The following LRFN5 variants were observed in gnomAD, a reference collection of about 807,000 sequenced individuals.
LRFN5 encodes leucine rich repeat and fibronectin type III domain containing 5.
In LRFN5, 24 loss-of-function variants were observed where a neutral mutation model predicts 45.6. The ratio of observed to expected loss-of-function variants is 0.53; its 90% CI spans 0.38 to 0.74. The LOEUF (loss-of-function observed/expected upper bound fraction) is 0.74. Among genes scored for constraint, LRFN5 ranks in the 30% least tolerant of loss-of-function variants. LRFN5 has a pLI of 0.00. For missense variants in LRFN5, 776 were observed against 861.5 expected, an observed-to-expected ratio of 0.90 and a Z score of 1.24; for synonymous variants, 340 against 313.8, an observed-to-expected ratio of 1.08 and a Z score of -0.88.
chr14:41,799,734 G>A (rs978918546), intron 2 of LRFN5, among the ~76,000 whole-genome samples: 13 of 151,930 alleles, frequency 8.6e-5, no homozygotes, highest in Admixed American at 7.2e-4. Flanking sequence ...GGAGATAAAC[G>A]CATTTGGTGG....
At chr14:41,731,790 CATG>C (rs1356671235) in intron 1 of LRFN5, 2 of 152,116 alleles carry the variant, frequency 1.3e-5, no homozygotes, top group Non-Finnish European at 2.9e-5. Context: ...GCTAAATTTA[CATG>C]ATAAGGAGTT....
At chr14:41,812,339 T>A (rs17112290) in intron 2 of LRFN5, among the ~76,000 whole-genome samples, 8 of 151,926 alleles carry the variant, frequency 5.3e-5, no homozygotes, top group Non-Finnish European at 1.2e-4. Flanking sequence ...GAGTTTTTTT[T>A]AAAGACTAGC....
intron 2 of LRFN5, among the ~76,000 whole-genome samples, chr14:41,797,949 T>C (rs1887190018): frequency 6.6e-6 from 1 of 151,930 alleles, no homozygotes; most frequent in Admixed American, 6.6e-5. Flanking sequence ...CTCTCTTACT[T>C]TATTATGTAG....
chr14:41,637,365 T>G (rs566710833), intron 1 of LRFN5, among the ~76,000 whole-genome samples: 21 of 152,256 alleles, frequency 1.4e-4, no homozygotes, highest in African/African-American at 4.8e-4. Context: ...TTAAGCAAAT[T>G]AAAACTATTA....
In LRFN5 at chr14:41,653,256, G is replaced by T. The variant is rs118114152; in HGVS notation, c.-197+44694G>T. ...CTTTGCCTGTGTTATTTTCCTAAGT[G>T]GTATTGCCTAGGTCATCTTCCAGAG... On this transcript the variant is annotated intron_variant, in intron 1 of 5. Coordinates refer to ENST00000298119, the MANE Select transcript of LRFN5 (RefSeq NM_152447.5). Among the ~76,000 whole-genome samples, 1,382 of 152,162 alleles carry T rather than the reference G, an allele frequency of 9.1e-3. 6 individuals carry two copies. The highest frequency in any genetic ancestry group is 0.014 in the East Asian group (74 of 5,168).
chr14:41,748,902 A>T (rs1022070905), intron 1 of LRFN5, among the ~76,000 whole-genome samples: 1 of 150,800 alleles, frequency 6.6e-6, no homozygotes, highest in South Asian at 2.1e-4. Context: ...AGGATATTTT[A>T]TATATATATA....
At chr14:41,747,915 C>T (rs534349989) in intron 1 of LRFN5, among the ~76,000 whole-genome samples, 1 of 152,122 alleles carries the variant, frequency 6.6e-6, no homozygotes, top group East Asian at 1.9e-4. Flanking sequence ...TGCCTAGCAT[C>T]AACAGTTTTA....
rs193239393 is a variant in LRFN5, at chr14:41,853,166, C to T, written c.-20-33440C>T. Reference sequence around the variant, plus strand: ...TGAAGATGGATCCATTAAATATTTTCGAAATTTAGAATCCACCTGAATTTT... The same window carrying T: ...TGAAGATGGATCCATTAAATATTTTTGAAATTTAGAATCCACCTGAATTTT... On this transcript the variant is annotated intron_variant, in intron 2 of 5. Transcript: ENST00000298119. Among the ~76,000 whole-genome samples the T allele has an allele frequency of 1.8e-4, 27 of 151,988 alleles. 1 individual carries two copies. Among genetic ancestry groups the T allele is most frequent in the East Asian group, 9.7e-4 (5 of 5,166 alleles).
chr14:41,767,712 C>T (rs1304586961), intron 2 of LRFN5, among the ~76,000 whole-genome samples: 1 of 152,124 alleles, frequency 6.6e-6, no homozygotes, highest in Non-Finnish European at 1.5e-5. Flanking sequence ...CATACCACCA[C>T]AAAACAAATT....
At chr14:41,868,683 A>G (rs1889918436) in intron 2 of LRFN5, among the ~76,000 whole-genome samples, 1 of 152,192 alleles carries the variant, frequency 6.6e-6, no homozygotes, top group Admixed American at 6.5e-5. Context: ...TGCCAAAATG[A>G]GAAGCATTTG....
chr14:41,893,631 A>G (rs1890852614), intron 4 of LRFN5: 1 of 985,240 alleles, frequency 1.0e-6, no homozygotes, highest in African/African-American at 1.7e-5. Context: ...AGAAGCATAT[A>G]CAACAATTTC....
chr14:41,698,790 T>C (rs1007395370), intron 1 of LRFN5, among the ~76,000 whole-genome samples: 10 of 151,982 alleles, frequency 6.6e-5, no homozygotes, highest in African/African-American at 2.2e-4. Context: ...GTTCTAAAAT[T>C]ATGTGATTTT....
intron 2 of LRFN5, among the ~76,000 whole-genome samples, chr14:41,833,385 C>T (rs1383459910): frequency 1.3e-5 from 2 of 152,128 alleles, no homozygotes; most frequent in Non-Finnish European, 1.5e-5. Flanking sequence ...TAGCCACATC[C>T]GCCTTCTATA....
At chr14:41,674,387 C>T (rs1196185022) in intron 1 of LRFN5, among the ~76,000 whole-genome samples, 1 of 139,086 alleles carries the variant, frequency 7.2e-6, no homozygotes. Context: ...GCTGACCCCC[C>T]CACCTCCCTC....
intron 1 of LRFN5, among the ~76,000 whole-genome samples, chr14:41,612,297 A>G (rs905203946): frequency 2.0e-5 from 3 of 152,184 alleles, no homozygotes; most frequent in Non-Finnish European, 4.4e-5. Flanking sequence ...TAAGATTGCT[A>G]ATAAGTATTA....
At chr14:41,707,668 A>G (rs535232784) in intron 1 of LRFN5, among the ~76,000 whole-genome samples, 1 of 152,168 alleles carries the variant, frequency 6.6e-6, no homozygotes, top group South Asian at 2.1e-4. Context: ...ACTAATTTAA[A>G]TTAATTATTT....
Position 41,662,616 on chromosome 14 carries a change from G to T in LRFN5, c.-197+54054G>T, listed in dbSNP as rs561677095. Among the ~76,000 whole-genome samples, 26 of 152,112 alleles carry T rather than the reference G, an allele frequency of 1.7e-4. 1 individual carries two copies. The South Asian group carries it at 5.4e-3, about 32-fold the overall frequency. ...ACAGCCAAGCATCTATTGTGGGCCT[G>T]GAGTTGCAGTTGGTCAGCAGGGCCA... On this transcript the variant is annotated intron_variant, in intron 1 of 5. Coordinates refer to ENST00000298119, the MANE Select transcript of LRFN5 (RefSeq NM_152447.5).
At chr14:41,775,077 G>T (rs192037644) in intron 2 of LRFN5, among the ~76,000 whole-genome samples, 1 of 119,396 alleles carries the variant, frequency 8.4e-6, no homozygotes, top group Admixed American at 9.2e-5. Context: ...AAGATTTGAT[G>T]CTACTTTTTC....
chr14:41,787,544 A>C (rs1262040035), intron 2 of LRFN5, among the ~76,000 whole-genome samples: 1 of 152,130 alleles, frequency 6.6e-6, no homozygotes, highest in East Asian at 1.9e-4. Context: ...AAAATGGAAA[A>C]AAATATATCA....
Sources: allele counts gnomAD v4.1 joint callset (sites outside exome capture counted in the v4.1 genomes callset), GRCh38; gene constraint gnomAD v4.1.1; transcripts MANE v1.5; gene names NCBI Gene and HGNC (gene_info 2026-07-23, HGNC 2026-07-21).